Variants in ZBTB20 observed in about 807,000 individuals in gnomAD.
ZBTB20 encodes zinc finger and BTB domain containing 20.
Under a neutral mutation model 56.9 loss-of-function variants are expected in ZBTB20, and 9 were observed. The observed-to-expected ratio is 0.16, with a 90% CI of 0.10 to 0.28. The LOEUF (loss-of-function observed/expected upper bound fraction) is 0.28. Ranked by LOEUF, ZBTB20 falls within the 10% of genes least tolerant of loss-of-function variation. The pLI, the probability that ZBTB20 is intolerant of heterozygous loss-of-function variation, is 1.00. For missense variants in ZBTB20, 655 were observed against 1,003.0 expected, an observed-to-expected ratio of 0.65 and a Z score of 4.69; for synonymous variants, 417 against 420.7, an observed-to-expected ratio of 0.99 and a Z score of 0.11.
intron 7 of ZBTB20, among the ~76,000 whole-genome samples, chr3:114,406,185 AC>A (rs1468449830): frequency 6.6e-6 from 1 of 152,164 alleles, no homozygotes; most frequent in African/African-American, 2.4e-5. Context: ...CATGTAATGA[AC>A]TTTTATCCGA....
At chr3:114,632,310 A>G (rs1184497971) in intron 6 of ZBTB20, among the ~76,000 whole-genome samples, 1 of 152,112 alleles carries the variant, frequency 6.6e-6, no homozygotes, top group Non-Finnish European at 1.5e-5. Flanking sequence ...CTGAGGATAA[A>G]TTTAATGACC....
At chr3:114,761,468 CT>C (rs2068432741) in intron 5 of ZBTB20, among the ~76,000 whole-genome samples, 1 of 152,108 alleles carries the variant, frequency 6.6e-6, no homozygotes, top group African/African-American at 2.4e-5. Flanking sequence ...ACCAGGGCAA[CT>C]AATGTCCACC....
intron 7 of ZBTB20, among the ~76,000 whole-genome samples, chr3:114,485,271 T>C (rs1033159827): frequency 6.6e-6 from 1 of 152,222 alleles, no homozygotes; most frequent in African/African-American, 2.4e-5. Context: ...CCCTACACAA[T>C]CCTAGAAGTG....
At chr3:114,523,786 C>T (rs1206620546) in intron 6 of ZBTB20, among the ~76,000 whole-genome samples, 1 of 151,766 alleles carries the variant, frequency 6.6e-6, no homozygotes, top group Non-Finnish European at 1.5e-5. Context: ...CTAAGTTGAG[C>T]GTAAGGATGG....
chr3:114,950,507 C>T (rs1172907863), intron 3 of ZBTB20, among the ~76,000 whole-genome samples: 1 of 151,954 alleles, frequency 6.6e-6, no homozygotes, highest in Non-Finnish European at 1.5e-5. Context: ...CAGCTGACTA[C>T]GGATAACTGA....
intron 10 of ZBTB20, among the ~76,000 whole-genome samples, chr3:114,353,273 C>T (rs1333020390): frequency 1.3e-5 from 2 of 152,184 alleles, no homozygotes; most frequent in Non-Finnish European, 2.9e-5. Context: ...TGAGAGGTAA[C>T]AGCCTGCAGA....
intron 2 of ZBTB20, among the ~76,000 whole-genome samples, chr3:115,054,518 C>A (rs2108449197): frequency 6.6e-6 from 1 of 152,200 alleles, no homozygotes; most frequent in South Asian, 2.1e-4. Flanking sequence ...TTTTCCCCGT[C>A]AAGTATTCCA....
Position 114,333,250 on chromosome 3 carries a change from A to C in ZBTB20, c.*5755T>G, listed in dbSNP as rs2079327457. 1 of 152,198 alleles carries C rather than the reference A, an allele frequency of 6.6e-6. No individual in the cohort carries two copies. The highest frequency in any genetic ancestry group is 1.5e-5 in the Non-Finnish European group (1 of 68,028). The allele number at this position is 152,198 out of a possible 1,614,324, so 9.4% of individuals were successfully genotyped here. On this transcript the variant is annotated 3_prime_UTR_variant, in exon 12 of 12. Transcript: ENST00000675478. Reference sequence around the variant, plus strand: ...TTGTAAAGGTTTAAGTGATATCAGAAATAGCAACTCTACACGGAAAGCCCT... The same window carrying C: ...TTGTAAAGGTTTAAGTGATATCAGACATAGCAACTCTACACGGAAAGCCCT...
intron 5 of ZBTB20, among the ~76,000 whole-genome samples, chr3:114,707,378 A>T (rs1410293351): frequency 1.3e-5 from 2 of 152,086 alleles, no homozygotes; most frequent in African/African-American, 2.4e-5. Context: ...TCAGTCAAGC[A>T]ATTCCCTACC....
chr3:114,822,875 A>G (rs2073330913), intron 4 of ZBTB20, among the ~76,000 whole-genome samples: 1 of 152,090 alleles, frequency 6.6e-6, no homozygotes, highest in Non-Finnish European at 1.5e-5. Flanking sequence ...TTTCAGTCAA[A>G]TTATATGACT....
At chr3:115,117,340 C>A (rs1295317114) in intron 1 of ZBTB20, among the ~76,000 whole-genome samples, 1 of 152,112 alleles carries the variant, frequency 6.6e-6, no homozygotes, top group East Asian at 1.9e-4. Flanking sequence ...AAATTAGTTT[C>A]TCTTATCTTT....
chr3:114,795,953 TA>T (rs1423301343), intron 5 of ZBTB20, among the ~76,000 whole-genome samples: 1 of 152,064 alleles, frequency 6.6e-6, no homozygotes, highest in Non-Finnish European at 1.5e-5. Context: ...GGCATACACA[TA>T]AAGTGCTATA....
chr3:114,413,345 C>G (rs1263890466), intron 7 of ZBTB20, among the ~76,000 whole-genome samples: 1 of 152,124 alleles, frequency 6.6e-6, no homozygotes, highest in East Asian at 1.9e-4. Flanking sequence ...TAAAGAACTA[C>G]TTTACACAGT....
rs201716537 is a variant in ZBTB20 at position 114,753,430 on chromosome 3, T to C, written c.-343+47671A>G. 0.011 allele frequency among the ~76,000 whole-genome samples: 105 copies of C among 9,262 alleles called. 8 individuals carry two copies. The East Asian group carries it at 0.28, about 25-fold the overall frequency. 6.1% of individuals were successfully genotyped at this position (9,262 alleles called of 152,430 possible). A position where few individuals can be genotyped will look rare whatever the true frequency, so the allele number is the denominator to read the frequency against. ...ACACACACGTATATATATATATATA[T>C]ATACACACACACTTTTTTTTTTGAG... On this transcript the variant is annotated intron_variant, in intron 5 of 11. Coordinates refer to ENST00000675478, the MANE Select transcript of ZBTB20 (RefSeq NM_001348800.3).
intron 5 of ZBTB20, among the ~76,000 whole-genome samples, chr3:114,720,900 G>C (rs2064866602): frequency 6.6e-6 from 1 of 152,146 alleles, no homozygotes; most frequent in Non-Finnish European, 1.5e-5. Context: ...TAGGGGTTTA[G>C]AGAGAAAATC....
intron 7 of ZBTB20, among the ~76,000 whole-genome samples, chr3:114,485,840 G>A (rs2042060499): frequency 6.6e-6 from 1 of 152,100 alleles, no homozygotes; most frequent in African/African-American, 2.4e-5. Flanking sequence ...ATTTGCAGGT[G>A]CCTCAATCTT....
At chr3:114,430,689 T>A (rs2090054412) in intron 7 of ZBTB20, among the ~76,000 whole-genome samples, 1 of 152,172 alleles carries the variant, frequency 6.6e-6, no homozygotes, top group Non-Finnish European at 1.5e-5. Flanking sequence ...TGCAAAGTTA[T>A]CATGCAAAAA....
intron 4 of ZBTB20, among the ~76,000 whole-genome samples, chr3:114,897,550 C>T (rs1260991888): frequency 6.6e-6 from 1 of 152,054 alleles, no homozygotes; most frequent in Non-Finnish European, 1.5e-5. Context: ...CAGGCTAATT[C>T]CTGACACAGG....
chr3:114,349,581 AT>A (rs2080474862), intron 11 of ZBTB20, among the ~76,000 whole-genome samples: 1 of 152,212 alleles, frequency 6.6e-6, no homozygotes, highest in Non-Finnish European at 1.5e-5. Context: ...AGCAGATCTG[AT>A]TGTTAACAAA....
Sources: allele counts gnomAD v4.1 joint callset (sites outside exome capture counted in the v4.1 genomes callset), GRCh38; gene constraint gnomAD v4.1.1; transcripts MANE v1.5; gene names NCBI Gene and HGNC (gene_info 2026-07-23, HGNC 2026-07-21).